The following ST14 variants were observed in gnomAD, a reference collection of about 807,000 sequenced individuals.
The protein encoded by ST14 is ST14 transmembrane serine protease matriptase.
In ST14, 40 loss-of-function variants were observed where a neutral mutation model predicts 96.5. That is an observed-to-expected ratio of 0.41 (90% CI 0.32 to 0.54). The LOEUF (loss-of-function observed/expected upper bound fraction) is 0.54, where lower values mean the gene tolerates loss of function less well. ST14 is among the 20% of genes least tolerant of loss of function. The pLI, the probability that ST14 is intolerant of heterozygous loss-of-function variation, is 0.17. For missense variants in ST14, 1,066 were observed against 1,188.9 expected (o/e 0.90, Z 1.52); for synonymous variants, 506 against 492.1 (o/e 1.03, Z -0.37).
At chr11:130,195,592 C>T (rs533011549) in intron 9 of ST14, among the ~76,000 whole-genome samples, 5 of 152,248 alleles carry the variant, frequency 3.3e-5, no homozygotes, top group Admixed American at 2.0e-4. Flanking sequence ...CAGTGGCTCA[C>T]GCCTGTAATC....
At position 130,189,384 on chromosome 11, in the gene ST14, G is replaced by A; in HGVS notation, c.441-355G>A. The A allele has an allele frequency of 8.7e-6, 4 of 459,340 alleles. No homozygotes were observed. The South Asian group carries it at 9.5e-5, about 11-fold the overall frequency. The allele number at this position is 459,340 out of a possible 1,614,324, so 28.5% of individuals were successfully genotyped here. A position where few individuals can be genotyped will look rare whatever the true frequency, so the allele number is the denominator to read the frequency against. Reference sequence around the variant, plus strand: ...GTTTGAACCCTGGGGAATGCTGTGTGGCAGGTGGCATTCCCAGTTCCTTTC... The same window carrying A: ...GTTTGAACCCTGGGGAATGCTGTGTAGCAGGTGGCATTCCCAGTTCCTTTC... On this transcript the variant is annotated intron_variant, in intron 4 of 18. Transcript: ENST00000278742.
chr11:130,208,670 A>T lies in ST14; in HGVS notation c.2255A>T (p.His752Leu). 1 of 1,613,574 alleles carries T rather than the reference A, an allele frequency of 6.2e-7. No homozygotes were observed. Among genetic ancestry groups the T allele is most frequent in the Non-Finnish European group, 8.5e-7 (1 of 1,179,810 alleles). Residue 752 changes from histidine to leucine, a missense_variant, in exon 17 of 19, where the codon CAC becomes CTC. Transcript: ENST00000278742. ...GKAIWVTGWG[H>L]TQYGGTGALI... Reference sequence around the variant, plus strand: ...GCCATCTGGGTCACGGGCTGGGGACACACCCAGTATGGAGGTAAGCTTCGG... The same window carrying T: ...GCCATCTGGGTCACGGGCTGGGGACTCACCCAGTATGGAGGTAAGCTTCGG...
At chr11:130,194,955 C>A (rs1953345335) in intron 9 of ST14, among the ~76,000 whole-genome samples, 1 of 151,994 alleles carries the variant, frequency 6.6e-6, no homozygotes, top group Admixed American at 6.6e-5. Flanking sequence ...CTTTATCAAC[C>A]CCAAAGAGGC....
intron 1 of ST14, among the ~76,000 whole-genome samples, chr11:130,173,559 G>A (rs1953112401): frequency 1.3e-5 from 2 of 150,426 alleles, no homozygotes; most frequent in South Asian, 4.2e-4. Context: ...TGGTGCCACT[G>A]CACTCCAGAC....
At position 130,189,796 on chromosome 11, in the gene ST14, G is replaced by A. The variant is rs1174168242; in HGVS notation, c.498G>A (p.Val166=). ...WSEFSIPQHL[V]EEAERVMAEE... ...AGTTCAGCATCCCGCAGCACCTGGT[G>A]GAGGAGGCCGAGCGCGTCATGGCCG... The change falls in exon 5 of 19, where the codon GTG becomes GTA. Residue 166 remains valine, a synonymous_variant. Transcript: ENST00000278742. The A allele has an allele frequency of 1.9e-6, 3 of 1,613,842 alleles. No homozygotes were observed. The highest frequency in any genetic ancestry group is 2.5e-6 in the Non-Finnish European group (3 of 1,179,948).
chr11:130,198,844 G>A, intron 14 of ST14, 103 bp from the exon 15 acceptor site: 1 of 1,605,608 alleles, frequency 6.2e-7, no homozygotes, highest in Non-Finnish European at 8.5e-7. Context: ...GCCTGGGTGA[G>A]GGGGTAATGT....
At chr11:130,207,371 C>A (rs1488833658) in intron 16 of ST14, among the ~76,000 whole-genome samples, 1 of 152,004 alleles carries the variant, frequency 6.6e-6, no homozygotes, top group Non-Finnish European at 1.5e-5. Context: ...GCTAACATGG[C>A]GAAACCCCGT....
intron 5 of ST14, 92 bp downstream of exon 5, chr11:130,189,988 C>G: frequency 6.2e-7 from 1 of 1,610,096 alleles, no homozygotes; most frequent in Non-Finnish European, 8.5e-7. Flanking sequence ...CCGGCACTCC[C>G]AGGGCCCAGT....
chr11:130,190,211 T>C (rs1591887855), intron 6 of ST14, 63 bp downstream of exon 6: 2 of 1,605,980 alleles, frequency 1.2e-6, no homozygotes, highest in Admixed American at 1.7e-5. Context: ...CAGATGCCCT[T>C]GAGCCAGTGG....
chr11:130,196,709 A>G lies in ST14; in HGVS notation c.1354+9A>G, dbSNP rs1953369598. ...CTACGACTCCAGTGACCGTGAGTGA[A>G]CATTGTTGGGAGGAGGGCTGGCGGG... On this transcript the variant is annotated intron_variant, in intron 11 of 18. Transcript: ENST00000278742. 6.2e-7 allele frequency: 1 copy of G among 1,614,184 alleles called. No homozygotes were observed.
At position 130,160,180 on chromosome 11, in the gene ST14, C is replaced by T. The variant is rs1591873175; in HGVS notation, c.81+120C>T. On this transcript the variant is annotated intron_variant, in intron 1 of 18. Coordinates refer to ENST00000278742, the MANE Select transcript of ST14 (RefSeq NM_021978.4). ...CGTCGGTGGCCGAGCTCTGGGCGCA[C>T]AGGTGGAATTTCCTGTTCAGCGGGT... 39 of 658,818 alleles carry T rather than the reference C, an allele frequency of 5.9e-5. No homozygotes were observed. In the East Asian group the frequency reaches 1.4e-3, roughly 24 times the overall value. The allele number at this position is 658,818 out of a possible 1,614,324, so 40.8% of individuals were successfully genotyped here.
chr11:130,165,560 T>C lies in ST14; in HGVS notation c.81+5500T>C, dbSNP rs571772156. On this transcript the variant is annotated intron_variant, in intron 1 of 18. Transcript: ENST00000278742. ...TGGACTTAGCAATATTTTGGGATTT[T>C]CCCCCGAATCCTGTGATAGTTGGCT... Among the ~76,000 whole-genome samples the C allele has an allele frequency of 3.5e-4, 53 of 152,320 alleles. 1 individual carries two copies. The East Asian group carries it at 4.8e-3, about 14-fold the overall frequency.
At chr11:130,166,704 C>T (rs549673904) in intron 1 of ST14, among the ~76,000 whole-genome samples, 2 of 152,246 alleles carry the variant, frequency 1.3e-5, no homozygotes, top group East Asian at 3.9e-4. Context: ...ACTGAACCAC[C>T]TCCCTCAACC....
At chr11:130,174,021 A>G (rs963717000) in intron 1 of ST14, among the ~76,000 whole-genome samples, 5 of 152,164 alleles carry the variant, frequency 3.3e-5, no homozygotes, top group African/African-American at 1.2e-4. Context: ...TTTTTTGCAG[A>G]GCCTGAAAAT....
intron 8 of ST14, 39 bp from the exon 9 acceptor site, chr11:130,194,601 G>T (rs777046075): frequency 7.5e-6 from 12 of 1,607,932 alleles, no homozygotes; most frequent in African/African-American, 5.3e-5. Flanking sequence ...GGCCGGGCAG[G>T]TTCCTGATCC....
In ST14 at chr11:130,199,283, C is replaced by T. The variant is rs610788; in HGVS notation, c.1807+214C>T. Among the ~76,000 whole-genome samples the T allele has an allele frequency of 2.8e-3, 419 of 152,350 alleles. 3 individuals carry two copies. Among genetic ancestry groups the T allele is most frequent in the Non-Finnish European group, 3.5e-3 (241 of 68,032 alleles). ...CTCTGGTCTTGGAGAAAGGCCCGTACGGCCAGCATCTCAGCGCCTCTGTAG... is the reference window on the plus strand; with the variant it reads ...CTCTGGTCTTGGAGAAAGGCCCGTATGGCCAGCATCTCAGCGCCTCTGTAG... On this transcript the variant is annotated intron_variant, in intron 15 of 18. Coordinates refer to ENST00000278742, the MANE Select transcript of ST14 (RefSeq NM_021978.4).
intron 1 of ST14, among the ~76,000 whole-genome samples, chr11:130,165,446 T>C (rs1251593276): frequency 2.0e-5 from 3 of 152,210 alleles, no homozygotes; most frequent in African/African-American, 7.2e-5. Context: ...AGTTGCCCTT[T>C]TTGCTTTGTT....
At chr11:130,203,932 G>A (rs1006831523) in intron 16 of ST14, among the ~76,000 whole-genome samples, 1 of 152,196 alleles carries the variant, frequency 6.6e-6, no homozygotes. Context: ...GGGATTATAA[G>A]GTGTGAGCCA....
chr11:130,196,886 C>A, intron 11 of ST14, 186 bp downstream of exon 11: 1 of 828,246 alleles, frequency 1.2e-6, no homozygotes, highest in Non-Finnish European at 1.9e-6. Context: ...AGCAGGCTGG[C>A]TGTGAGCGCT....
Sources: allele counts gnomAD v4.1 joint callset (sites outside exome capture counted in the v4.1 genomes callset), GRCh38; gene constraint gnomAD v4.1.1; transcripts MANE v1.5; gene names NCBI Gene and HGNC (gene_info 2026-07-23, HGNC 2026-07-21).